ELMO1: variants seen among roughly 807,000 people sequenced by gnomAD.
ELMO1 encodes the protein engulfment and cell motility 1.
A neutral mutation model predicts 98.9 loss-of-function variants in ELMO1; 26 were observed. That is an observed-to-expected ratio of 0.26 (90% CI 0.19 to 0.36). The LOEUF is 0.36. Ranked by LOEUF, ELMO1 falls within the 10% of genes least tolerant of loss-of-function variation. The pLI, the probability that ELMO1 is intolerant of heterozygous loss-of-function variation, is 1.00. For synonymous variants in ELMO1, 346 were observed against 346.0 expected (o/e 1.00, Z 0.00); for missense variants, 627 against 935.2 (o/e 0.67, Z 4.30).
In ELMO1 at chr7:37,342,573, G is replaced by A. The variant is rs749782226; in HGVS notation, c.78+40C>T. 5 of 1,592,706 alleles carry A rather than the reference G, an allele frequency of 3.1e-6. No homozygotes were observed. The highest frequency in any genetic ancestry group is 4.3e-6 in the Non-Finnish European group (5 of 1,160,512). On this transcript the variant is annotated intron_variant, in intron 2 of 21. Coordinates refer to ENST00000310758, the MANE Select transcript of ELMO1 (RefSeq NM_014800.11). This position sits in a 1 kb window ranked among gnomAD's most constrained non-coding sequence, Gnocchi z 4.3. ...TCTATGAAAATTCCAGTATAGAAAGGAAACTGAAAATAGACACCCAATGCT... is the reference window on the plus strand; with the variant it reads ...TCTATGAAAATTCCAGTATAGAAAGAAAACTGAAAATAGACACCCAATGCT...
At chr7:37,411,791 T>C (rs1356630402) in intron 1 of ELMO1, among the ~76,000 whole-genome samples, 1 of 152,212 alleles carries the variant, frequency 6.6e-6, no homozygotes, top group Non-Finnish European at 1.5e-5. Flanking sequence ...CATCACATTC[T>C]CCACTTCTCA....
chr7:37,280,677 A>T (rs879052477), intron 4 of ELMO1, among the ~76,000 whole-genome samples: 1 of 151,058 alleles, frequency 6.6e-6, no homozygotes, highest in Admixed American at 6.6e-5. Flanking sequence ...AAGAATGGCC[A>T]TAATCAAAAA....
intron 15 of ELMO1, among the ~76,000 whole-genome samples, chr7:37,061,268 TC>T (rs887048812): frequency 8.5e-5 from 13 of 152,172 alleles, no homozygotes; most frequent in African/African-American, 3.1e-4. Flanking sequence ...AGTTGGTCTG[TC>T]ACCTACTGTA....
chr7:37,057,751 C>T (rs1015913380), intron 15 of ELMO1, among the ~76,000 whole-genome samples: 2 of 152,204 alleles, frequency 1.3e-5, no homozygotes, highest in Admixed American at 1.3e-4. Flanking sequence ...AGTGAGAACA[C>T]TTCTCTTCAC....
At chr7:37,444,732 T>C (rs1805539416) in intron 1 of ELMO1, among the ~76,000 whole-genome samples, 1 of 152,154 alleles carries the variant, frequency 6.6e-6, no homozygotes, top group African/African-American at 2.4e-5. Context: ...GCCAGGATGG[T>C]CTGGATCTCC....
intron 15 of ELMO1, 69 bp from the exon 16 acceptor site, chr7:37,013,504 G>T (rs1266521486): frequency 1.9e-6 from 3 of 1,541,954 alleles, no homozygotes; most frequent in African/African-American, 2.7e-5. Flanking sequence ...ATAACCACAG[G>T]TATGTGCCCC....
intron 8 of ELMO1, among the ~76,000 whole-genome samples, chr7:37,226,896 G>A (rs1419018791): frequency 6.6e-6 from 1 of 152,048 alleles, no homozygotes; most frequent in Admixed American, 6.6e-5. Context: ...ATACAAAGAT[G>A]AAAATAACAA....
chr7:37,218,704 T>C lies in ELMO1; in HGVS notation c.781-2009A>G, dbSNP rs775250342. On this transcript the variant is annotated intron_variant, in intron 10 of 21. Coordinates refer to ENST00000310758, the MANE Select transcript of ELMO1 (RefSeq NM_014800.11). ...AAGTTTAGAAAAACTACAATGCATG[T>C]AGTATGCTCACATTTGGTGAAAAAA... Among the ~76,000 whole-genome samples, 10 of 152,368 alleles carry C rather than the reference T, an allele frequency of 6.6e-5. No individual in the cohort carries two copies. In the South Asian group the frequency reaches 1.0e-3, roughly 16 times the overall value.
intron 16 of ELMO1, among the ~76,000 whole-genome samples, chr7:36,910,263 T>C (rs1784250985): frequency 6.6e-6 from 1 of 152,252 alleles, no homozygotes; most frequent in Non-Finnish European, 1.5e-5. Context: ...AGCAGGGATT[T>C]GAACCTAGAG....
chr7:37,180,192 C>T (rs1790758378), intron 13 of ELMO1, among the ~76,000 whole-genome samples: 1 of 152,152 alleles, frequency 6.6e-6, no homozygotes, highest in African/African-American at 2.4e-5. Context: ...CTTCAGGAAA[C>T]TGACCCTCAT....
intron 4 of ELMO1, among the ~76,000 whole-genome samples, chr7:37,304,893 T>C (rs994119261): frequency 6.6e-6 from 1 of 152,220 alleles, no homozygotes; most frequent in Non-Finnish European, 1.5e-5. Flanking sequence ...AATAGTTGCA[T>C]TCAGTTGTTC....
chr7:37,152,441 G>A (rs1050187497), intron 13 of ELMO1, among the ~76,000 whole-genome samples: 38 of 86,564 alleles, frequency 4.4e-4, no homozygotes, highest in Admixed American at 1.9e-3. Flanking sequence ...AGCAATGTTG[G>A]GGCTTTTTTT....
intron 5 of ELMO1, among the ~76,000 whole-genome samples, chr7:37,261,577 T>C (rs908092798): frequency 1.7e-4 from 26 of 152,160 alleles, no homozygotes; most frequent in Non-Finnish European, 2.9e-5. Context: ...TCCGTGATGA[T>C]AGAATGAGCA....
chr7:37,085,814 C>T (rs1333659827), intron 15 of ELMO1, among the ~76,000 whole-genome samples: 1 of 152,190 alleles, frequency 6.6e-6, no homozygotes, highest in Non-Finnish European at 1.5e-5. Context: ...TGGCCTCCGT[C>T]ATTGATTGGA....
chr7:37,396,572 C>T (rs1000153183), intron 1 of ELMO1, among the ~76,000 whole-genome samples: 10 of 152,296 alleles, frequency 6.6e-5, no homozygotes, highest in Non-Finnish European at 1.3e-4. Flanking sequence ...ATTCACACTG[C>T]TATCACACAG....
intron 16 of ELMO1, among the ~76,000 whole-genome samples, chr7:36,988,511 T>C (rs1791662214): frequency 6.6e-6 from 1 of 152,190 alleles, no homozygotes; most frequent in Non-Finnish European, 1.5e-5. Flanking sequence ...CAGACTCTAA[T>C]AGAGGAGGCA....
intron 16 of ELMO1, among the ~76,000 whole-genome samples, chr7:36,959,765 C>G (rs1788786652): frequency 6.6e-6 from 1 of 152,252 alleles, no homozygotes; most frequent in Admixed American, 6.5e-5. Context: ...ACTGCAACCT[C>G]TGCCTCCCAG....
Position 37,323,563 on chromosome 7 carries a change from G to A in ELMO1, c.79-7603C>T, listed in dbSNP as rs569480135. Among the ~76,000 whole-genome samples the A allele has an allele frequency of 3.4e-4, 52 of 152,250 alleles. No homozygotes were observed. The South Asian group carries it at 9.1e-3, about 27-fold the overall frequency. ...CAAAAATTAGCTGGGTGTGGCAGGC[G>A]CCTGTAATCCCAGCTACTAGGGAGG... On this transcript the variant is annotated intron_variant, in intron 2 of 21. Transcript: ENST00000310758.
chr7:37,353,084 G>T (rs1222962062), intron 1 of ELMO1: 1 of 152,242 alleles, frequency 6.6e-6, no homozygotes, highest in Admixed American at 6.6e-5. Flanking sequence ...AATGCGTAAA[G>T]GAACCCCCCA....
Sources: gnomAD v4.1 joint callset for allele counts (sites outside exome capture counted in the v4.1 genomes callset) on GRCh38, gnomAD v4.1.1 for gene constraint, Gnocchi (gnomAD v3.1) non-coding constraint, MANE v1.5 for transcripts, NCBI Gene and HGNC (gene_info 2026-07-23, HGNC 2026-07-21) for gene names.